The following LRIG3 variants were observed in gnomAD, a reference collection of about 807,000 sequenced individuals.
The protein encoded by LRIG3 is leucine-rich repeats and immunoglobulin-like domains protein 3.
Under a neutral mutation model 114.5 loss-of-function variants are expected in LRIG3, and 76 were observed. The observed-to-expected ratio is 0.66, with a 90% CI of 0.55 to 0.80. LRIG3 has a LOEUF of 0.80. Ranked by LOEUF, LRIG3 falls within the 30% of genes least tolerant of loss-of-function variation. The probability of loss-of-function intolerance (pLI) is 0.00; values close to 1 mark genes in which losing one functional copy is unlikely to be tolerated. For missense variants in LRIG3, 1,239 were observed against 1,382.8 expected (o/e 0.90, Z 1.65); for synonymous variants, 512 against 519.8 (o/e 0.98, Z 0.20).
intron 17 of LRIG3, 44 bp downstream of exon 17, chr12:58,874,386 C>T: frequency 6.2e-7 from 1 of 1,610,574 alleles, no homozygotes; most frequent in Non-Finnish European, 8.5e-7. Context: ...ATCTAGAAGT[C>T]TCTCTAAGAA....
intron 3 of LRIG3, chr12:58,913,351 T>C (rs1222046609): frequency 2.0e-5 from 3 of 152,252 alleles, no homozygotes; most frequent in African/African-American, 7.2e-5. Context: ...TTCCAAAACC[T>C]ACGTCAGTGC....
intron 7 of LRIG3, 87 bp downstream of exon 7, chr12:58,888,242 A>T: frequency 6.8e-7 from 1 of 1,470,112 alleles, no homozygotes; most frequent in Non-Finnish European, 9.1e-7. Context: ...TTTGTTATGA[A>T]AATTTCACAG....
chr12:58,880,970 G>A, intron 12 of LRIG3, 69 bp from the exon 13 acceptor site: 2 of 1,437,856 alleles, frequency 1.4e-6, no homozygotes, highest in Non-Finnish European at 1.9e-6. Context: ...ACTCAAATTT[G>A]AACACCAAGA....
intron 1 of LRIG3, among the ~76,000 whole-genome samples, chr12:58,919,745 C>T (rs1872602987): frequency 1.3e-5 from 2 of 152,190 alleles, no homozygotes; most frequent in South Asian, 2.1e-4. Context: ...TCGTTACTGG[C>T]CCCCAACCCT....
chr12:58,880,633 G>T lies in LRIG3; in HGVS notation c.1749C>A (p.Ile583=). 1 of 1,614,236 alleles carries T rather than the reference G, an allele frequency of 6.2e-7. No homozygotes were observed. The highest frequency in any genetic ancestry group is 8.5e-7 in the Non-Finnish European group (1 of 1,180,030). The change falls in exon 13 of 19, where the codon ATC becomes ATA. Residue 583 remains isoleucine (I), a synonymous_variant. Coordinates refer to ENST00000320743, the MANE Select transcript of LRIG3 (RefSeq NM_153377.5). ...FASEGKYQCV[I]SNHFGSSYSV... ...AGTAGGATGAACCAAAGTGATTGGAGATGACACACTGATATTTCCCCTCAC... is the reference window on the plus strand; with the variant it reads ...AGTAGGATGAACCAAAGTGATTGGATATGACACACTGATATTTCCCCTCAC...
intron 3 of LRIG3, among the ~76,000 whole-genome samples, chr12:58,902,141 A>C (rs2120950497): frequency 6.6e-6 from 1 of 152,304 alleles, no homozygotes; most frequent in East Asian, 1.9e-4. Flanking sequence ...TATACAATTA[A>C]TTGACTACTT....
chr12:58,889,204 T>C (rs1356965244), intron 5 of LRIG3, among the ~76,000 whole-genome samples: 1 of 152,210 alleles, frequency 6.6e-6, no homozygotes, highest in East Asian at 1.9e-4. Context: ...CACTTTAATT[T>C]CTAAAGTCTT....
intron 3 of LRIG3, among the ~76,000 whole-genome samples, chr12:58,898,052 T>C (rs1227032095): frequency 6.6e-6 from 1 of 152,186 alleles, no homozygotes; most frequent in Non-Finnish European, 1.5e-5. Flanking sequence ...GATTGCACCA[T>C]AAGGATTTAA....
intron 3 of LRIG3, among the ~76,000 whole-genome samples, 166 bp from the exon 4 acceptor site, chr12:58,890,962 T>G (rs879653098): frequency 2.6e-5 from 4 of 152,214 alleles, no homozygotes; most frequent in Non-Finnish European, 4.4e-5. Flanking sequence ...AAGTTATTCA[T>G]TAAATTATAA....
At chr12:58,919,467 G>A (rs12426969) in intron 1 of LRIG3, 186,628 of 1,551,344 alleles carry the variant, frequency 0.12, 12,292 homozygotes, top group Admixed American at 0.2. Context: ...GAGAACAACA[G>A]AAGTACGTCC....
intron 3 of LRIG3, among the ~76,000 whole-genome samples, chr12:58,908,465 T>G (rs1053248358): frequency 6.6e-6 from 1 of 152,202 alleles, no homozygotes; most frequent in Non-Finnish European, 1.5e-5. Flanking sequence ...GGCTGAGATA[T>G]TCATGCTTAG....
chr12:58,887,727 A>G, intron 8 of LRIG3, 62 bp downstream of exon 8: 1 of 1,562,336 alleles, frequency 6.4e-7, no homozygotes, highest in Non-Finnish European at 8.7e-7. Context: ...CTGCTAGGAG[A>G]AAAGTGGGCA....
chr12:58,912,475 A>G (rs539331410), intron 3 of LRIG3, among the ~76,000 whole-genome samples: 5 of 152,280 alleles, frequency 3.3e-5, no homozygotes, highest in South Asian at 2.1e-4. Flanking sequence ...CAGCCTGGGC[A>G]ACAGAGCAAG....
chr12:58,874,262 A>G lies in LRIG3; in HGVS notation c.2908T>C (p.Cys970Arg). ...TCTGAAGGATGAGAACATGGGTAGC[A>G]CTCCTTTTTCTTTATGTAACTGGGC... ...YEPSYIKKKE[C>R]YPCSHPSEES... The change falls in exon 18 of 19, where the codon TGC becomes CGC. Residue 970 changes from cysteine (C) to arginine (R), a missense_variant. Coordinates refer to ENST00000320743, the MANE Select transcript of LRIG3 (RefSeq NM_153377.5). 2 of 1,614,022 alleles carry G rather than the reference A, an allele frequency of 1.2e-6. No individual in the cohort carries two copies. The highest frequency in any genetic ancestry group is 1.3e-5 in the African/African-American group (1 of 75,028).
chr12:58,880,034 T>G (rs1244319834), intron 13 of LRIG3, among the ~76,000 whole-genome samples: 1 of 152,144 alleles, frequency 6.6e-6, no homozygotes, highest in East Asian at 1.9e-4. Flanking sequence ...GGCTCACACC[T>G]GTAATCCCAG....
At chr12:58,919,401 A>G in intron 1 of LRIG3, 2 of 1,551,604 alleles carry the variant, frequency 1.3e-6, no homozygotes, top group Non-Finnish European at 1.7e-6. Context: ...CAGTCTTTAC[A>G]ATCTGGTTGA....
chr12:58,920,052 G>T lies in LRIG3; in HGVS notation c.184C>A (p.Arg62Ser). 6.4e-7 allele frequency: 1 copy of T among 1,554,546 alleles called. No individual in the cohort carries two copies. The highest frequency in any genetic ancestry group is 2.0e-5 in the Admixed American group (1 of 51,098). ...TCGGGAAGACGCGCTAGCCGCTTAC[G>T]ACTGCAGTCCAGCAGGTCCCCGAGG... The part of the protein sequence containing the change: ...RCLGDLLDCS[R>S]KRLARLPEPL... The change falls in exon 1 of 19, where the codon CGT becomes AGT. Residue 62 changes from arginine (R) to serine (S), a missense_variant. Transcript: ENST00000320743.
chr12:58,912,093 G>C (rs1431198377), intron 3 of LRIG3, among the ~76,000 whole-genome samples: 1 of 152,208 alleles, frequency 6.6e-6, no homozygotes, highest in Admixed American at 6.5e-5. Flanking sequence ...ACTTGCTAAA[G>C]TGAAACACAA....
chr12:58,883,286 T>C (rs1871175746), intron 11 of LRIG3, among the ~76,000 whole-genome samples: 1 of 152,224 alleles, frequency 6.6e-6, no homozygotes, highest in Admixed American at 6.5e-5. Flanking sequence ...ATTACTACTA[T>C]ATTGGGTGAC....
Sources: allele counts gnomAD v4.1 joint callset (sites outside exome capture counted in the v4.1 genomes callset), GRCh38; gene constraint gnomAD v4.1.1; transcripts MANE v1.5; gene names NCBI Gene and HGNC (gene_info 2026-07-23, HGNC 2026-07-21).